The following TPO variants were observed in gnomAD, a reference collection of about 807,000 sequenced individuals.
TPO encodes thyroid peroxidase.
In TPO, 78 loss-of-function variants were observed where a neutral mutation model predicts 96.9. That is an observed-to-expected ratio of 0.81 (90% confidence interval 0.67 to 0.97). The LOEUF is 0.97. Among genes scored for constraint, TPO ranks in the 50% least tolerant of loss-of-function variants. The pLI, the probability that TPO is intolerant of heterozygous loss-of-function variation, is 0.00. For synonymous variants in TPO, 547 were observed against 538.0 expected (o/e 1.02, Z -0.23); for missense variants, 1,252 against 1,274.8 (o/e 0.98, Z 0.27).
intron 5 of TPO, among the ~76,000 whole-genome samples, chr2:1,440,015 C>T (rs1054524794): frequency 9.2e-5 from 14 of 152,224 alleles, no homozygotes; most frequent in Non-Finnish European, 2.1e-4. Context: ...TTCGGCGTCC[C>T]TCTCAGTCAC....
intron 14 of TPO, among the ~76,000 whole-genome samples, chr2:1,509,913 C>T (rs1573482693): frequency 1.3e-5 from 2 of 149,118 alleles, no homozygotes; most frequent in East Asian, 2.0e-4. Context: ...GTTTCAGGGA[C>T]ACCCCACCCT....
intron 3 of TPO, among the ~76,000 whole-genome samples, chr2:1,425,161 A>G (rs902341450): frequency 6.6e-6 from 1 of 151,262 alleles, no homozygotes; most frequent in African/African-American, 2.4e-5. Flanking sequence ...GATGAGTTAG[A>G]TTATTTCATA....
Position 1,382,123 on chromosome 2 carries a change from G to A in TPO, n.180+7721G>A, listed in dbSNP as rs534331532. Among the ~76,000 whole-genome samples the A allele has an allele frequency of 4.6e-4, 70 of 152,194 alleles. 1 individual carries two copies. The South Asian group carries it at 0.011, about 24-fold the overall frequency. On this transcript the variant is annotated intron_variant and non_coding_transcript_variant, in intron 1 of 5. Transcript: ENST00000497517. The stretch of plus-strand genomic sequence containing the variant: ...CCCTTTAAAATGCATCTCCACGACT[G>A]CACAGCCCACCCTCAGAGGCCACCG...
At position 1,477,478 on chromosome 2, in the gene TPO, G is replaced by T; in HGVS notation, c.1212G>T (p.Thr404=). 2.0e-6 allele frequency: 3 copies of T among 1,529,252 alleles called. No individual in the cohort carries two copies. The highest frequency in any genetic ancestry group is 2.6e-6 in the Non-Finnish European group (3 of 1,143,516). The allele number at this position is 1,529,252 out of a possible 1,614,324, so 94.7% of individuals were successfully genotyped here. A position where few individuals can be genotyped will look rare whatever the true frequency, so the allele number is the denominator to read the frequency against. Residue 404 remains threonine, a synonymous_variant, in exon 8 of 17, where the codon ACG becomes ACT. Coordinates refer to ENST00000329066, the MANE Select transcript of TPO (RefSeq NM_001206744.2). ...DGRASEVPSL[T]ALHTLWLREH... is the part of the protein sequence containing the mutation. ...GCGCCAGCGAGGTCCCCTCCCTGAC[G>T]GCACTGCACACGCTGTGGCTGCGCG...
chr2:1,503,908 GC>G, intron 13 of TPO, 39 bp from the exon 14 acceptor site: 1 of 1,614,072 alleles, frequency 6.2e-7, no homozygotes. Context: ...TGGGGGTGCA[GC>G]CGCTTCCTCT....
chr2:1,397,691 G>C lies in TPO; in HGVS notation n.180+23289G>C, dbSNP rs115030713. 6.2e-3 allele frequency among the ~76,000 whole-genome samples: 948 copies of C among 152,260 alleles called. 10 individuals are homozygous for C. Among genetic ancestry groups the C allele is most frequent in the African/African-American group, 0.021 (862 of 41,552 alleles). ...TCTGGTCCTTGTTGTTGCTCTCCCAGCCTCCAAGCCTCCCACCCCCGGGTC... is the reference window on the plus strand; with the variant it reads ...TCTGGTCCTTGTTGTTGCTCTCCCACCCTCCAAGCCTCCCACCCCCGGGTC... On this transcript the variant is annotated intron_variant and non_coding_transcript_variant, in intron 1 of 5. Coordinates refer to the TPO transcript ENST00000497517.
At chr2:1,419,278 G>A (rs1441980128) in intron 2 of TPO, among the ~76,000 whole-genome samples, 1 of 152,048 alleles carries the variant, frequency 6.6e-6, no homozygotes, top group African/African-American at 2.4e-5. Context: ...AAAAACTTCG[G>A]GTTCAAACTC....
intron 4 of TPO, 75 bp downstream of exon 4, chr2:1,433,682 C>G: frequency 6.5e-7 from 1 of 1,545,926 alleles, no homozygotes; most frequent in South Asian, 1.2e-5. Flanking sequence ...GCAGGGGCTG[C>G]TTGCTCAGGG....
Position 1,477,571 on chromosome 2 carries a change from G to C in TPO, c.1305G>C (p.Gln435His). ...ACTGGAGCGCGGACGCCGTGTACCA[G>C]GAGGCGCGCAAGGTCGTGGGCGCTC... ...NAHWSADAVY[Q>H]EARKVVGALH... Residue 435 changes from glutamine to histidine, a missense_variant, in exon 8 of 17, where the codon CAG (glutamine) becomes CAC (histidine). By Grantham distance (24) the Gln-to-His change is conservative. Coordinates refer to ENST00000329066, the MANE Select transcript of TPO (RefSeq NM_001206744.2). The C allele has an allele frequency of 6.5e-7, 1 of 1,537,534 alleles. No homozygotes were observed.
chr2:1,390,374 T>C (rs548823223), intron 1 of TPO, among the ~76,000 whole-genome samples: 5 of 152,332 alleles, frequency 3.3e-5, no homozygotes, highest in South Asian at 4.1e-4. Context: ...TGCATAGTAT[T>C]CCATGGTGTA....
intron 5 of TPO, among the ~76,000 whole-genome samples, chr2:1,447,259 G>A (rs748098667): frequency 2.0e-5 from 3 of 152,160 alleles, no homozygotes; most frequent in Admixed American, 6.5e-5. Flanking sequence ...TCACCTGCAC[G>A]ATGAAACCTT....
chr2:1,534,192 G>A (rs1181981792), intron 15 of TPO, among the ~76,000 whole-genome samples: 1 of 34,852 alleles, frequency 2.9e-5, no homozygotes, highest in African/African-American at 1.1e-4. Flanking sequence ...CAAATCCCCC[G>A]TGTGCAACCC....
chr2:1,504,481 A>G (rs1673206329), intron 14 of TPO, among the ~76,000 whole-genome samples: 1 of 152,194 alleles, frequency 6.6e-6, no homozygotes, highest in Non-Finnish European at 1.5e-5. Flanking sequence ...GACCAGGGCC[A>G]GCAGCACAGC....
chr2:1,526,697 C>A (rs1383273079), intron 15 of TPO, among the ~76,000 whole-genome samples: 11 of 40,746 alleles, frequency 2.7e-4, no homozygotes, highest in Non-Finnish European at 6.7e-4. Context: ...ATCCCCCCCC[C>A]ACTGTATGCA....
chr2:1,514,661 C>T (rs1314986631), intron 14 of TPO, among the ~76,000 whole-genome samples: 1 of 152,210 alleles, frequency 6.6e-6, no homozygotes, highest in African/African-American at 2.4e-5. Flanking sequence ...CCCCGTAGGA[C>T]ATGCAGGGGC....
chr2:1,495,844 C>T lies in TPO; in HGVS notation c.2007-145C>T, dbSNP rs576841205. 3.3e-4 allele frequency: 299 copies of T among 894,582 alleles called. 3 individuals carry two copies. The African/African-American group carries it at 3.4e-3, about 10-fold the overall frequency. 55.4% of individuals were successfully genotyped at this position (894,582 alleles called of 1,614,324 possible). A position where few individuals can be genotyped will look rare whatever the true frequency, so the allele number is the denominator to read the frequency against. ...GTCTCCTTCAGGTCCTCAGCGCCTG[C>T]ACCTGTGTGGCCCCGGGTGCTGGGG... is the stretch of plus-strand genomic sequence containing the variant. On this transcript the variant is annotated intron_variant, in intron 11 of 16. Coordinates refer to ENST00000329066, the MANE Select transcript of TPO (RefSeq NM_001206744.2).
At position 1,495,973 on chromosome 2, in the gene TPO, G is replaced by A. The variant is rs1009134099; in HGVS notation, c.2007-16G>A. The A allele has an allele frequency of 9.3e-6, 15 of 1,609,142 alleles. No homozygotes were observed. Among genetic ancestry groups the A allele is most frequent in the Non-Finnish European group, 1.3e-5 (15 of 1,179,344 alleles). On this transcript the variant is annotated splice_polypyrimidine_tract_variant and intron_variant, in intron 11 of 16. Coordinates refer to ENST00000329066, the MANE Select transcript of TPO (RefSeq NM_001206744.2). Reference sequence around the variant, plus strand: ...TCCATGCACTGTGACCTTACTCACTGTCTCCTTCTCTGGAGGTTTTGGTGG... The same window carrying A: ...TCCATGCACTGTGACCTTACTCACTATCTCCTTCTCTGGAGGTTTTGGTGG...
intron 7 of TPO, among the ~76,000 whole-genome samples, chr2:1,468,763 C>T (rs1255574196): frequency 6.6e-6 from 1 of 152,162 alleles, no homozygotes; most frequent in Non-Finnish European, 1.5e-5. Flanking sequence ...TCCAGCAAGG[C>T]CAGGGAGGTT....
At chr2:1,526,206 ACCT>A (rs1249968187) in intron 15 of TPO, among the ~76,000 whole-genome samples, 1 of 83,530 alleles carries the variant, frequency 1.2e-5, no homozygotes, top group Admixed American at 1.7e-4. Context: ...ACTGTGTGCA[ACCT>A]CCTCAAATCC....
Sources: gnomAD v4.1 joint callset for allele counts (sites outside exome capture counted in the v4.1 genomes callset) on GRCh38, gnomAD v4.1.1 for gene constraint, MANE v1.5 for transcripts, NCBI Gene and HGNC (gene_info 2026-07-23, HGNC 2026-07-21) for gene names.